The following POLE variants were observed in gnomAD, a reference collection of about 807,000 sequenced individuals.
POLE encodes DNA polymerase epsilon, catalytic subunit, also known as DNA polymerase epsilon catalytic subunit A.
POLE carries 188 observed loss-of-function variants against 279.2 expected under a neutral mutation model. The observed-to-expected ratio is 0.67, with a 90% CI of 0.60 to 0.76. The LOEUF is 0.76. POLE is among the 30% of genes least tolerant of loss of function. The pLI is 0.00. For missense variants in POLE, 2,703 were observed against 3,016.7 expected, an observed-to-expected ratio of 0.90 and a Z score of 2.44; for synonymous variants, 1,214 against 1,172.5, an observed-to-expected ratio of 1.04 and a Z score of -0.72.
rs1555221919 is a variant in POLE, at chr12:132,639,200, C to A, written c.5477G>T (p.Arg1826Leu). ...NQVMHFYRWL[R>L]SPSSLLHDPA... ...GTCATGAAGCAGAGAGGATGGCGAC[C>A]GAAGCCAGCGGTAGAAGTGCATCAC... is the stretch of plus-strand genomic sequence containing the variant. The change falls in exon 40 of 49, where the codon CGG becomes CTG. Residue 1826 changes from arginine to leucine, a missense_variant. Arg to Leu is a moderately radical substitution (Grantham distance 102, BLOSUM62 -2). This residue lies in a region of POLE where 1,551 missense variants were observed against 1,686.1 expected (regional missense o/e 0.92). Transcript: ENST00000320574. This position sits in a 1 kb window ranked among gnomAD's most constrained non-coding sequence, Gnocchi z 4.7. 2 of 1,613,992 alleles carry A rather than the reference C, an allele frequency of 1.2e-6. No homozygotes were observed. The highest frequency in any genetic ancestry group is 1.7e-6 in the Non-Finnish European group (2 of 1,179,976).
chr12:132,625,368 C>A (rs1394124212), intron 47 of POLE: 1 of 735,008 alleles, frequency 1.4e-6, no homozygotes, highest in South Asian at 1.4e-5. Flanking sequence ...CTGTGCAACT[C>A]CCTCTTCCTC....
chr12:132,687,052 G>A (rs976862504), intron 1 of POLE, among the ~76,000 whole-genome samples: 5 of 151,564 alleles, frequency 3.3e-5, no homozygotes, highest in Admixed American at 6.6e-5. Context: ...TCCCCGCAAA[G>A]AAGCCGCGCC....
At chr12:132,680,833 C>G (rs541847080) in intron 2 of POLE, 146 bp from the exon 3 acceptor site, 6 of 678,688 alleles carry the variant, frequency 8.8e-6, no homozygotes, top group East Asian at 2.6e-5. Flanking sequence ...ACACTACCAG[C>G]CTTATTCACA....
rs1442526296 is a variant in POLE at position 132,639,442 on chromosome 12, C to T, written c.5379-144G>A. 4 of 676,974 alleles carry T rather than the reference C, an allele frequency of 5.9e-6. No homozygotes were observed. Among genetic ancestry groups the T allele is most frequent in the Non-Finnish European group, 1.0e-5 (4 of 396,696 alleles). The allele number at this position is 676,974 out of a possible 1,614,324, so 41.9% of individuals were successfully genotyped here. ...CTGTCGCCTCCCCTTCTCACTGTCC[C>T]CACCTTAAGTCACGGTCCAAATTTC... On this transcript the variant is annotated intron_variant, in intron 39 of 48. Transcript: ENST00000320574. The surrounding 1 kb of genome is among the most constrained non-coding windows in gnomAD (Gnocchi z 4.7).
At chr12:132,637,451 A>C (rs1043555133) in intron 41 of POLE, among the ~76,000 whole-genome samples, 1 of 152,190 alleles carries the variant, frequency 6.6e-6, no homozygotes. Flanking sequence ...TTGCTGGTGG[A>C]GATTTTTCTG....
At chr12:132,683,241 C>G (rs185981971) in intron 1 of POLE, among the ~76,000 whole-genome samples, 1 of 152,122 alleles carries the variant, frequency 6.6e-6, no homozygotes, top group East Asian at 1.9e-4. Flanking sequence ...TTCTGCTTAG[C>G]TGGGTGGGCG....
At chr12:132,626,846 G>A (rs1429001825) in intron 45 of POLE, among the ~76,000 whole-genome samples, 2 of 152,218 alleles carry the variant, frequency 1.3e-5, no homozygotes, top group Non-Finnish European at 2.9e-5. Flanking sequence ...GAATACAAGC[G>A]TATCTTGGAG....
intron 45 of POLE, among the ~76,000 whole-genome samples, chr12:132,629,531 G>A (rs575239306): frequency 4.0e-4 from 61 of 152,278 alleles, no homozygotes; most frequent in African/African-American, 1.4e-3. Context: ...TTACTGGGAC[G>A]GCTTCTCTCC....
At chr12:132,644,991 T>C (rs1329986717) in intron 32 of POLE, among the ~76,000 whole-genome samples, 1 of 62,416 alleles carries the variant, frequency 1.6e-5, no homozygotes. Flanking sequence ...CACCCTAGCT[T>C]CGTGAATGGG....
In POLE at chr12:132,681,271, C is replaced by A; in HGVS notation, c.71G>T (p.Gly24Val). 1 of 1,614,218 alleles carries A rather than the reference C, an allele frequency of 6.2e-7. No homozygotes were observed. The highest frequency in any genetic ancestry group is 8.5e-7 in the Non-Finnish European group (1 of 1,180,028). Residue 24 changes from glycine (G) to valine (V), a missense_variant, in exon 2 of 49, where the codon GGC becomes GTC. Transcript: ENST00000320574. ...GAGTGCCGAAACTGAGGAAGTGGCGCCATCATCCCTGAGTGAAAGAAGGGA... is the reference window on the plus strand; with the variant it reads ...GAGTGCCGAAACTGAGGAAGTGGCGACATCATCCCTGAGTGAAAGAAGGGA... ...GADGEASRDD[G>V]ATSSVSALKR...
intron 16 of POLE, among the ~76,000 whole-genome samples, 193 bp from the exon 17 acceptor site, chr12:132,669,132 T>C (rs1339067229): frequency 1.3e-5 from 2 of 152,080 alleles, no homozygotes; most frequent in Non-Finnish European, 2.9e-5. Flanking sequence ...GTGGAGTCAT[T>C]AGAAAATTAC....
At chr12:132,629,302 G>A (rs1462418117) in intron 45 of POLE, among the ~76,000 whole-genome samples, 9 of 152,202 alleles carry the variant, frequency 5.9e-5, no homozygotes, top group Non-Finnish European at 1.3e-4. Flanking sequence ...TGCATCTGCC[G>A]CTAACAAGAG....
At position 132,643,429 on chromosome 12, in the gene POLE, G is replaced by A; in HGVS notation, c.4422C>T (p.Ala1474=). 1 of 1,614,220 alleles carries A rather than the reference G, an allele frequency of 6.2e-7. No individual in the cohort carries two copies. Among genetic ancestry groups the A allele is most frequent in the Non-Finnish European group, 8.5e-7 (1 of 1,180,046 alleles). Residue 1474 remains alanine, a synonymous_variant, in exon 34 of 49, where the codon GCC becomes GCT. Transcript: ENST00000320574. ...ALEHLEMRSL[A]QFSYLEPGSI... ...TACCTGGTTCCAGGTAGCTGAACTG[G>A]GCCAGAGAGCGCATCTCCAGGTGCT...
chr12:132,647,785 C>T (rs1365918427), intron 32 of POLE, among the ~76,000 whole-genome samples: 7 of 152,136 alleles, frequency 4.6e-5, no homozygotes. Flanking sequence ...TGTAGAAACC[C>T]CACAGTCCCA....
chr12:132,673,788 C>T, intron 12 of POLE, 81 bp from the exon 13 acceptor site: 1 of 1,539,926 alleles, frequency 6.5e-7, no homozygotes, highest in Non-Finnish European at 8.9e-7. Context: ...AAACTGGGCA[C>T]CACACAGACA....
At chr12:132,669,528 C>G (rs953839577) in intron 16 of POLE, among the ~76,000 whole-genome samples, 1 of 151,908 alleles carries the variant, frequency 6.6e-6, no homozygotes, top group Admixed American at 6.6e-5. Flanking sequence ...AGAAAACACA[C>G]CTAAAATTTT....
chr12:132,632,186 C>T (rs1407393952), intron 45 of POLE, 129 bp downstream of exon 45: 2 of 715,460 alleles, frequency 2.8e-6, no homozygotes, highest in African/African-American at 3.5e-5. Flanking sequence ...TGTCGGTGTC[C>T]TTATCTTGCA....
In POLE at chr12:132,642,895, G is replaced by T. The variant is rs1243061188; in HGVS notation, c.4653C>A (p.His1551Gln). The T allele has an allele frequency of 1.2e-6, 2 of 1,613,858 alleles. No homozygotes were observed. The highest frequency in any genetic ancestry group is 1.7e-6 in the Non-Finnish European group (2 of 1,179,924). ...CAGTTTCTGCCCGAACTTCGAAGGT[G>T]TGTTTGGGGGGTGGCAGGAGCTCAG... is the stretch of plus-strand genomic sequence containing the variant. The part of the protein sequence containing the change: ...VGPELLPPPK[H>Q]TFEVRAETDL... Residue 1551 changes from histidine to glutamine, a missense_variant, in exon 36 of 49, where the codon CAC (histidine) becomes CAA (glutamine). His to Gln is a conservative substitution (Grantham distance 24). Transcript: ENST00000320574.
At chr12:132,658,192 G>A in intron 26 of POLE, 1 of 488,478 alleles carries the variant, frequency 2.0e-6, no homozygotes, top group South Asian at 2.2e-5. Flanking sequence ...ACGTAAACAT[G>A]TCTACATGTT....
Sources: gnomAD v4.1 joint callset for allele counts (sites outside exome capture counted in the v4.1 genomes callset) on GRCh38, gnomAD v4.1.1 for gene constraint, gnomAD v4.1.1 regional missense constraint, Gnocchi (gnomAD v3.1) non-coding constraint, MANE v1.5 for transcripts, NCBI Gene and HGNC (gene_info 2026-07-23, HGNC 2026-07-21) for gene names.